PRDM4: variants seen among roughly 807,000 people sequenced by gnomAD.
The protein encoded by PRDM4 is PR domain zinc finger protein 4.
Under a neutral mutation model 62.3 loss-of-function variants are expected in PRDM4, and 38 were observed. The observed-to-expected ratio is 0.61, with a 90% CI of 0.47 to 0.80. The LOEUF (loss-of-function observed/expected upper bound fraction) is 0.80, where lower values mean the gene tolerates loss of function less well. PRDM4 is among the 30% of genes least tolerant of loss of function. The pLI, the probability that PRDM4 is intolerant of heterozygous loss-of-function variation, is 0.00. For synonymous variants in PRDM4, 339 were observed against 348.2 expected (o/e 0.97, Z 0.30); for missense variants, 858 against 997.1 (o/e 0.86, Z 1.88).
chr12:107,760,917 G>GCGCCC (rs1482304623), intron 1 of PRDM4, 40 bp downstream of exon 1: 9 of 147,976 alleles, frequency 6.1e-5, no homozygotes, highest in African/African-American at 2.2e-4. Context: ...CCGGGCCGCC[G>GCGCCC]CGCCCCGCCC....
In PRDM4 at chr12:107,734,353, G is replaced by A. The variant is rs778972230; in HGVS notation, c.2263C>T (p.Pro755Ser). The change falls in exon 12 of 12, where the codon CCC becomes TCC. Residue 755 changes from proline to serine, a missense_variant. Physicochemically the swap from Pro to Ser is moderately conservative, Grantham distance 74. Transcript: ENST00000228437. ...TCTGGTGCTGACGAACTGGAGGTGG[G>A]CCCTTTGCAGGTTTTCAGGTGGCGG... ...LTRHLKTCKG[P>S]TSSSSAPEEE... The A allele has an allele frequency of 3.7e-5, 59 of 1,614,046 alleles. 1 individual carries two copies. Among genetic ancestry groups the A allele is most frequent in the South Asian group, 3.1e-4 (28 of 91,086 alleles).
intron 9 of PRDM4, among the ~76,000 whole-genome samples, chr12:107,741,774 T>C (rs1890527173): frequency 6.6e-6 from 1 of 152,198 alleles, no homozygotes; most frequent in African/African-American, 2.4e-5. Flanking sequence ...AAGCACTTGG[T>C]AAATACTGGA....
Position 107,751,669 on chromosome 12 carries a change from G to A in PRDM4, c.872C>T (p.Thr291Ile), listed in dbSNP as rs201852041. Residue 291 changes from threonine to isoleucine, a missense_variant, in exon 5 of 12, where the codon ACT becomes ATT. By Grantham distance (89) the Thr-to-Ile change is moderately conservative. Around this residue, in one of 3 missense-constraint regions of PRDM4, gnomAD observed 499 missense variants for 546.7 expected, o/e 0.91. Transcript: ENST00000228437. ...TACAGAGTTGGTGCTCATGGCCACA[G>A]TGTGAATGGAGTCACTGAGGGCACT... ...SDSALSDSIH[T>I]VAMSTNSVSV... 5.0e-6 allele frequency: 8 copies of A among 1,614,186 alleles called. No individual in the cohort carries two copies. The highest frequency in any genetic ancestry group is 6.8e-6 in the Non-Finnish European group (8 of 1,180,044).
intron 5 of PRDM4, among the ~76,000 whole-genome samples, chr12:107,747,931 T>C (rs1342877647): frequency 1.3e-5 from 2 of 152,160 alleles, no homozygotes; most frequent in South Asian, 2.1e-4. Flanking sequence ...TTTAATACTT[T>C]TGCTAGAGAC....
At position 107,746,432 on chromosome 12, in the gene PRDM4, T is replaced by C; in HGVS notation, c.1127-8A>G. ...GGTCACACAGAGTACACCCTGTAGATGGCAAATTTGAGCAATACAAATGGG... is the reference window on the plus strand; with the variant it reads ...GGTCACACAGAGTACACCCTGTAGACGGCAAATTTGAGCAATACAAATGGG... On this transcript the variant is annotated splice_polypyrimidine_tract_variant and splice_region_variant and intron_variant, in intron 5 of 11. Transcript: ENST00000228437. 3 of 1,564,802 alleles carry C rather than the reference T, an allele frequency of 1.9e-6. No individual in the cohort carries two copies. The highest frequency in any genetic ancestry group is 2.4e-5 in the South Asian group (2 of 83,224).
At chr12:107,749,624 C>T (rs1357397847) in intron 5 of PRDM4, among the ~76,000 whole-genome samples, 3 of 152,088 alleles carry the variant, frequency 2.0e-5, no homozygotes, top group African/African-American at 7.2e-5. Flanking sequence ...TTTATCCAAT[C>T]GATAAGCTCA....
At chr12:107,755,565 G>A (rs1285118002) in intron 3 of PRDM4, among the ~76,000 whole-genome samples, 1 of 152,126 alleles carries the variant, frequency 6.6e-6, no homozygotes, top group African/African-American at 2.4e-5. Flanking sequence ...TTTAACTGCT[G>A]CATTTTATTA....
rs750260618 is a variant in PRDM4 at position 107,740,966 on chromosome 12, G to A, written c.1904C>T (p.Thr635Ile). The change falls in exon 10 of 12, where the codon ACC (threonine) becomes ATC (isoleucine). Residue 635 changes from threonine (T) to isoleucine (I), a missense_variant. By Grantham distance (89) the Thr-to-Ile change is moderately conservative (BLOSUM62 -1). Around this residue, in one of 3 missense-constraint regions of PRDM4, gnomAD observed 355 missense variants for 432.6 expected, o/e 0.82. Coordinates refer to ENST00000228437, the MANE Select transcript of PRDM4 (RefSeq NM_012406.4). ...KAFSDPSNLRTHLKIHTGQKN... is the reference protein window; with the variant it reads ...KAFSDPSNLRIHLKIHTGQKN... ...CTTACCTGTATGTATCTTGAGGTGG[G>A]TCCGCAGGTTGCTGGGATCACTAAA... 3 of 1,613,942 alleles carry A rather than the reference G, an allele frequency of 1.9e-6. No homozygotes were observed. The highest frequency in any genetic ancestry group is 2.5e-6 in the Non-Finnish European group (3 of 1,179,898).
At chr12:107,757,002 T>C in intron 2 of PRDM4, 37 bp from the exon 3 acceptor site, 1 of 1,607,720 alleles carries the variant, frequency 6.2e-7, no homozygotes, top group Non-Finnish European at 8.5e-7. Context: ...ATGCAAAAAT[T>C]TACTCCAATG....
In PRDM4 at chr12:107,734,450, A is replaced by C; in HGVS notation, c.2166T>G (p.Asn722Lys). Residue 722 changes from asparagine (N) to lysine (K), a missense_variant, in exon 12 of 12, where the codon AAT (asparagine) becomes AAG (lysine). Transcript: ENST00000228437. ...CATAATCCCGTTTTCCTTCATGAGA[A>C]TTGAGATGCTTCTTTAAGTGATTTG... The part of the protein sequence containing the change: ...LRTNHLKKHL[N>K]SHEGKRDYVC... The C allele has an allele frequency of 6.2e-7, 1 of 1,614,170 alleles. No homozygotes were observed. Among genetic ancestry groups the C allele is most frequent in the Admixed American group, 1.7e-5 (1 of 60,020 alleles).
At chr12:107,741,706 C>T (rs1890525097) in intron 9 of PRDM4, among the ~76,000 whole-genome samples, 1 of 152,148 alleles carries the variant, frequency 6.6e-6, no homozygotes, top group African/African-American at 2.4e-5. Context: ...AGAGTGAGAC[C>T]TTATCTCTAA....
intron 4 of PRDM4, 102 bp from the exon 5 acceptor site, chr12:107,752,311 A>C (rs967849673): frequency 2.5e-6 from 2 of 816,086 alleles, no homozygotes; most frequent in Non-Finnish European, 3.9e-6. Context: ...AAGTTCAAAT[A>C]ATCTCCTGCT....
intron 6 of PRDM4, among the ~76,000 whole-genome samples, chr12:107,744,921 G>A (rs12829738): frequency 0.29 from 44,247 of 151,842 alleles, 8,091 homozygotes; most frequent in Middle Eastern, 0.43. Context: ...TTAGCTGGGC[G>A]TGGTGGCGCA....
chr12:107,745,591 T>A (rs1027869075), intron 6 of PRDM4, among the ~76,000 whole-genome samples: 2 of 152,148 alleles, frequency 1.3e-5, no homozygotes, highest in South Asian at 2.1e-4. Context: ...TAAAAATAAA[T>A]AAATAAAAAA....
At chr12:107,751,027 T>TG (rs1197060227) in intron 5 of PRDM4, among the ~76,000 whole-genome samples, 1 of 152,136 alleles carries the variant, frequency 6.6e-6, no homozygotes, top group East Asian at 1.9e-4. Flanking sequence ...CCAGAATAGC[T>TG]GGGACTATTC....
chr12:107,754,842 G>A (rs1209794972), intron 3 of PRDM4: 3 of 152,166 alleles, frequency 2.0e-5, no homozygotes, highest in African/African-American at 7.2e-5. Flanking sequence ...TTTATATGGT[G>A]AGAATATTTC....
rs371572207 is a variant in PRDM4 at position 107,751,823 on chromosome 12, C to A, written c.718G>T (p.Val240Leu). ...GCGTCTGCTGCAAGGTTGTTGCTCA[C>A]AGAATCCACAGACAGAGGTTCATGA... ...RSHEPLSVDSVSNNLAADAVG... is the reference protein window; with the variant it reads ...RSHEPLSVDSLSNNLAADAVG... The change falls in exon 5 of 12, where the codon GTG becomes TTG. Residue 240 changes from valine to leucine, a missense_variant. Physicochemically the swap from Val to Leu is conservative, Grantham distance 32. Around this residue, in one of 3 missense-constraint regions of PRDM4, gnomAD observed 499 missense variants for 546.7 expected, o/e 0.91. Transcript: ENST00000228437. 20 of 1,614,138 alleles carry A rather than the reference C, an allele frequency of 1.2e-5. No individual in the cohort carries two copies. The highest frequency in any genetic ancestry group is 1.6e-4 in the Middle Eastern group (1 of 6,084).
chr12:107,753,850 A>G (rs527371984), intron 4 of PRDM4, 74 bp downstream of exon 4: 60 of 1,383,106 alleles, frequency 4.3e-5, no homozygotes, highest in Admixed American at 1.2e-4. Flanking sequence ...AGTGTTATTC[A>G]TATCTTCAGG....
chr12:107,754,129 T>C lies in PRDM4; in HGVS notation c.146-20A>G. The stretch of plus-strand genomic sequence containing the variant: ...GGAGGCCTACAAAACAAAATTTTTT[T>C]TCTCAGTTAAAAGAAAATAGGTAAT... On this transcript the variant is annotated intron_variant, in intron 3 of 11. Coordinates refer to ENST00000228437, the MANE Select transcript of PRDM4 (RefSeq NM_012406.4). 6.5e-7 allele frequency: 1 copy of C among 1,548,150 alleles called. No homozygotes were observed. Among genetic ancestry groups the C allele is most frequent in the Non-Finnish European group, 8.8e-7 (1 of 1,138,654 alleles).
Sources: allele counts gnomAD v4.1 joint callset (sites outside exome capture counted in the v4.1 genomes callset), GRCh38; gene constraint gnomAD v4.1.1; regional missense constraint gnomAD v4.1.1; transcripts MANE v1.5; gene names NCBI Gene and HGNC (gene_info 2026-07-23, HGNC 2026-07-21).